The following WIPF1 variants were observed in gnomAD, a reference collection of about 807,000 sequenced individuals.
WIPF1 encodes WAS/WASL-interacting protein family member 1.
A neutral mutation model predicts 35.4 loss-of-function variants in WIPF1; 13 were observed. The ratio of observed to expected loss-of-function variants is 0.37; its 90% CI spans 0.24 to 0.58. The LOEUF is 0.58. Among genes scored for constraint, WIPF1 ranks in the 20% least tolerant of loss-of-function variants. The probability of loss-of-function intolerance (pLI) is 0.74; values close to 1 mark genes in which losing one functional copy is unlikely to be tolerated. For synonymous variants in WIPF1, 267 were observed against 266.3 expected (o/e 1.00, Z -0.02); for missense variants, 591 against 667.0 (o/e 0.89, Z 1.25).
intron 7 of WIPF1, chr2:174,566,494 T>C (rs956876793): frequency 1.3e-5 from 2 of 152,206 alleles, no homozygotes; most frequent in Admixed American, 6.5e-5. Flanking sequence ...CTAAGCAATG[T>C]TATGTAAACC....
At chr2:174,646,703 A>G (rs1343870075) in intron 1 of WIPF1, among the ~76,000 whole-genome samples, 1 of 151,840 alleles carries the variant, frequency 6.6e-6, no homozygotes, top group Non-Finnish European at 1.5e-5. Context: ...TGCAACCTCC[A>G]CCTCCCAGGC....
chr2:174,598,658 A>G (rs2105875956), upstream of WIPF1, among the ~76,000 whole-genome samples: 1 of 152,300 alleles, frequency 6.6e-6, no homozygotes, highest in African/African-American at 2.4e-5. Flanking sequence ...TGCCCAAGTC[A>G]GGGTAATAAT....
In WIPF1 at chr2:174,562,339, A is replaced by G. The variant is rs1318271823; in HGVS notation, c.*208T>C. ...GCACAGGCAGGCTGCAGCTGAAGCA[A>G]GCAATAGCCTGGAGAATAAACACAA... On this transcript the variant is annotated 3_prime_UTR_variant, in exon 8 of 8. Coordinates refer to ENST00000679041, the MANE Select transcript of WIPF1 (RefSeq NM_001375834.1). 1 of 1,483,398 alleles carries G rather than the reference A, an allele frequency of 6.7e-7. No individual in the cohort carries two copies. Among genetic ancestry groups the G allele is most frequent in the African/African-American group, 1.4e-5 (1 of 70,922 alleles). The allele number at this position is 1,483,398 out of a possible 1,614,324, so 91.9% of individuals were successfully genotyped here. A position where few individuals can be genotyped will look rare whatever the true frequency, so the allele number is the denominator to read the frequency against.
chr2:174,664,173 G>A (rs777140987), intron 1 of WIPF1, among the ~76,000 whole-genome samples: 7 of 152,188 alleles, frequency 4.6e-5, no homozygotes, highest in Non-Finnish European at 8.8e-5. Context: ...CTTGAATGAA[G>A]GGCTTCAATC....
chr2:174,630,370 G>A (rs1425778979), intron 1 of WIPF1: 1 of 152,214 alleles, frequency 6.6e-6, no homozygotes, highest in Non-Finnish European at 1.5e-5. Context: ...GAGTGGTAAT[G>A]TGAATACCTA....
Position 174,562,082 on chromosome 2 carries a change from G to A in WIPF1, c.*465C>T. 2.6e-6 allele frequency: 4 copies of A among 1,550,626 alleles called. No homozygotes were observed. The Middle Eastern group carries it at 5.0e-4, about 194-fold the overall frequency. On this transcript the variant is annotated 3_prime_UTR_variant, in exon 8 of 8. Transcript: ENST00000679041. ...GCCAAAGATTGGACATCCTGTGACT[G>A]CAAGTTTCCAGTGAGCCCTTACTCA...
At chr2:174,606,077 A>C (rs971638307) in intron 1 of WIPF1, among the ~76,000 whole-genome samples, 1 of 152,150 alleles carries the variant, frequency 6.6e-6, no homozygotes, top group East Asian at 1.9e-4. Flanking sequence ...GAAAAGGAGT[A>C]AACTCTCAAA....
At chr2:174,662,091 T>C (rs1574866262) in intron 1 of WIPF1, among the ~76,000 whole-genome samples, 1 of 152,198 alleles carries the variant, frequency 6.6e-6, no homozygotes, top group Non-Finnish European at 1.5e-5. Context: ...CCTGCAGATA[T>C]CAAAATCCTT....
At chr2:174,582,502 G>A (rs1443585826) in intron 2 of WIPF1, among the ~76,000 whole-genome samples, 1 of 152,236 alleles carries the variant, frequency 6.6e-6, no homozygotes, top group Admixed American at 6.5e-5. Context: ...GCCACAGGAG[G>A]AAAAGCTGGG....
chr2:174,662,355 G>A (rs1559175848), intron 1 of WIPF1, among the ~76,000 whole-genome samples: 1 of 152,176 alleles, frequency 6.6e-6, no homozygotes, highest in Non-Finnish European at 1.5e-5. Flanking sequence ...AGGGTCAACT[G>A]TTCCCCATAC....
At chr2:174,642,833 T>C (rs1230488011) in intron 1 of WIPF1, among the ~76,000 whole-genome samples, 1 of 149,448 alleles carries the variant, frequency 6.7e-6, no homozygotes, top group Non-Finnish European at 1.5e-5. Flanking sequence ...ACGTTTCTTA[T>C]TTCCTTTTCC....
chr2:174,625,010 A>C (rs1686787227), intron 1 of WIPF1, among the ~76,000 whole-genome samples: 1 of 152,186 alleles, frequency 6.6e-6, no homozygotes, highest in Admixed American at 6.5e-5. Flanking sequence ...CAGAGCCTTA[A>C]GGTCCTGGAC....
intron 1 of WIPF1, among the ~76,000 whole-genome samples, chr2:174,625,055 C>G (rs899060455): frequency 6.6e-6 from 1 of 152,184 alleles, no homozygotes; most frequent in Non-Finnish European, 1.5e-5. Context: ...TCACTCAGGT[C>G]TCCTTGGGGC....
chr2:174,589,852 T>C lies in WIPF1; in HGVS notation c.-38-4241A>G, dbSNP rs188810816. On this transcript the variant is annotated intron_variant, in intron 1 of 7. Transcript: ENST00000679041. ...GTTGTTTAAACCATTAATAAAGAAG[T>C]ACATATTTTAATAAATTAGTTTCCT... Among the ~76,000 whole-genome samples, 19 of 152,336 alleles carry C rather than the reference T, an allele frequency of 1.2e-4. No individual in the cohort carries two copies. In the South Asian group the frequency reaches 2.1e-3, roughly 17 times the overall value.
At chr2:174,589,440 G>C (rs1161957391) in intron 1 of WIPF1, among the ~76,000 whole-genome samples, 1 of 152,166 alleles carries the variant, frequency 6.6e-6, no homozygotes, top group Non-Finnish European at 1.5e-5. Context: ...CCCCAGAGAA[G>C]TAGAGCCCCA....
At chr2:174,682,858 G>A (rs1326013602) in exon 1 of WIPF1, 1 of 152,036 alleles carries the variant, frequency 6.6e-6, no homozygotes, top group Non-Finnish European at 1.5e-5. Context: ...CCGCAGGGCT[G>A]AGCCGGGCGG....
intron 4 of WIPF1, among the ~76,000 whole-genome samples, chr2:174,572,895 T>A (rs1291583140): frequency 6.6e-6 from 1 of 152,042 alleles, no homozygotes; most frequent in Non-Finnish European, 1.5e-5. Context: ...AAATTAATTA[T>A]CCCAATGTAA....
chr2:174,647,816 T>C (rs1254003419), intron 1 of WIPF1, among the ~76,000 whole-genome samples: 1 of 152,178 alleles, frequency 6.6e-6, no homozygotes, highest in Non-Finnish European at 1.5e-5. Context: ...CTACAAAGAA[T>C]TTTGGAGAAA....
At chr2:174,674,134 G>C (rs1180540158) in intron 1 of WIPF1, among the ~76,000 whole-genome samples, 1 of 152,210 alleles carries the variant, frequency 6.6e-6, no homozygotes, top group Non-Finnish European at 1.5e-5. Context: ...GCAACGGCAA[G>C]GACATGAGAA....
Sources: allele counts gnomAD v4.1 joint callset (sites outside exome capture counted in the v4.1 genomes callset), GRCh38; gene constraint gnomAD v4.1.1; transcripts MANE v1.5; gene names NCBI Gene and HGNC (gene_info 2026-07-23, HGNC 2026-07-21).